The following RELL1 variants were observed in gnomAD, a reference collection of about 807,000 sequenced individuals.
The protein encoded by RELL1 is RELT like 1, also known as RELT-like protein 1.
In RELL1, 10 loss-of-function variants were observed where a neutral mutation model predicts 23.0. The observed-to-expected ratio is 0.43, with a 90% CI of 0.27 to 0.74. RELL1 has a LOEUF of 0.74. Among genes scored for constraint, RELL1 ranks in the 30% least tolerant of loss-of-function variants. The pLI is 0.19. For missense variants in RELL1, 315 were observed against 364.4 expected (o/e 0.86, Z 1.10); for synonymous variants, 146 against 146.8 (o/e 0.99, Z 0.04).
intron 6 of RELL1, among the ~76,000 whole-genome samples, chr4:37,596,732 ATATATTTTTTTTTTTTTTT>A (rs1425492443): frequency 1.8e-4 from 3 of 17,092 alleles, no homozygotes; most frequent in African/African-American, 5.0e-4. Flanking sequence ...ATATATATAT[ATATATTTTTTTTTTTTTTT>A]TTTTTTTTTT....
intron 6 of RELL1, among the ~76,000 whole-genome samples, chr4:37,624,492 C>G (rs373699369): frequency 6.7e-6 from 1 of 148,540 alleles, no homozygotes; most frequent in South Asian, 2.1e-4. Flanking sequence ...TGTGCAATCT[C>G]GGCTCACTGC....
intron 1 of RELL1, among the ~76,000 whole-genome samples, chr4:37,667,951 A>G (rs13122563): frequency 0.23 from 35,303 of 151,792 alleles, 4,280 homozygotes; most frequent in South Asian, 0.33. Flanking sequence ...AATGATCTCA[A>G]TTGTGAATGA....
rs1719452468 is a variant in RELL1 at position 37,612,837 on chromosome 4, A to ATCT, written c.*506_*508dup. 1 of 152,112 alleles carries ATCT rather than the reference A, an allele frequency of 6.6e-6. No homozygotes were observed. The highest frequency in any genetic ancestry group is 1.5e-5 in the Non-Finnish European group (1 of 68,032). 9.4% of individuals were successfully genotyped at this position (152,112 alleles called of 1,614,324 possible). On this transcript the variant is annotated 3_prime_UTR_variant, in exon 7 of 7. Coordinates refer to ENST00000454158, the MANE Select transcript of RELL1 (RefSeq NM_001085400.2). ...ACTGAGCTTTTACCACTGAAGATTC[A>ATCT]TCTTTTATCTTTTGTAACAGCTAAC...
chr4:37,678,516 C>T (rs571479686), intron 1 of RELL1, among the ~76,000 whole-genome samples: 1 of 152,358 alleles, frequency 6.6e-6, no homozygotes, highest in South Asian at 2.1e-4. Flanking sequence ...CCAACATCCC[C>T]TCCTCAAAGC....
At chr4:37,672,286 G>C (rs896730192) in intron 1 of RELL1, among the ~76,000 whole-genome samples, 7 of 152,108 alleles carry the variant, frequency 4.6e-5, no homozygotes, top group African/African-American at 1.7e-4. Context: ...GGCCCACCAA[G>C]AGTCCAAGGA....
intron 6 of RELL1, among the ~76,000 whole-genome samples, chr4:37,596,738 T>TATATATATATATA (rs61256232): frequency 3.8e-4 from 7 of 18,508 alleles, no homozygotes; most frequent in African/African-American, 1.0e-3. Flanking sequence ...ATATATATAT[T>TATATATATATATA]TTTTTTTTTT....
chr4:37,661,445 A>G (rs1395404085), intron 1 of RELL1, among the ~76,000 whole-genome samples: 1 of 152,000 alleles, frequency 6.6e-6, no homozygotes, highest in Non-Finnish European at 1.5e-5. Flanking sequence ...ACACCTGGCT[A>G]ATTTTTTGTA....
chr4:37,611,984 G>A lies in RELL1; in HGVS notation c.*1362C>T, dbSNP rs923529592. On this transcript the variant is annotated 3_prime_UTR_variant, in exon 7 of 7. Coordinates refer to ENST00000454158, the MANE Select transcript of RELL1 (RefSeq NM_001085400.2). The stretch of plus-strand genomic sequence containing the variant: ...AGGTCAGGAGATCGAGACCATCTTC[G>A]CTAATGCGGTGAAACCCCGTCTCTC... 9.3e-5 allele frequency among the ~76,000 whole-genome samples: 14 copies of A among 150,622 alleles called. No individual in the cohort carries two copies. Among genetic ancestry groups the A allele is most frequent in the Non-Finnish European group, 1.5e-4 (10 of 67,618 alleles).
chr4:37,623,615 A>G (rs1719841497), intron 6 of RELL1: 1 of 152,296 alleles, frequency 6.6e-6, no homozygotes. Flanking sequence ...CTACCTACCT[A>G]GGCTTCACAG....
At chr4:37,684,972 A>C (rs994686817) in intron 1 of RELL1, among the ~76,000 whole-genome samples, 1 of 152,154 alleles carries the variant, frequency 6.6e-6, no homozygotes, top group Non-Finnish European at 1.5e-5. Flanking sequence ...AAAAGAAAAA[A>C]AAAATTGTCC....
downstream of RELL1, among the ~76,000 whole-genome samples, chr4:37,608,140 C>A (rs1210936491): frequency 6.6e-6 from 1 of 152,118 alleles, no homozygotes; most frequent in Non-Finnish European, 1.5e-5. Context: ...CCGTTCCCGT[C>A]TCTCTCCCTC....
intron 6 of RELL1, among the ~76,000 whole-genome samples, chr4:37,630,244 T>A (rs1720074616): frequency 6.7e-6 from 1 of 149,180 alleles, no homozygotes; most frequent in Non-Finnish European, 1.5e-5. Flanking sequence ...TTACAAGGGA[T>A]AAGAAACATG....
chr4:37,685,353 T>C (rs1722365354), intron 1 of RELL1, among the ~76,000 whole-genome samples: 1 of 152,150 alleles, frequency 6.6e-6, no homozygotes, highest in Non-Finnish European at 1.5e-5. Context: ...TTTTTTTAAC[T>C]GCAGCTGTTA....
At chr4:37,666,404 CAAG>C (rs1425526793) in intron 1 of RELL1, among the ~76,000 whole-genome samples, 1 of 152,170 alleles carries the variant, frequency 6.6e-6, no homozygotes, top group Admixed American at 6.5e-5. Context: ...AAGCCCCAGG[CAAG>C]GTCAATTAGC....
At chr4:37,598,611 C>T (rs1346704303) in intron 6 of RELL1, among the ~76,000 whole-genome samples, 2 of 151,996 alleles carry the variant, frequency 1.3e-5, no homozygotes, top group Non-Finnish European at 2.9e-5. Context: ...GAGGCTCAAA[C>T]AGCTAAATAA....
intron 6 of RELL1, among the ~76,000 whole-genome samples, chr4:37,621,281 C>T (rs1049283279): frequency 1.3e-5 from 2 of 151,866 alleles, no homozygotes; most frequent in East Asian, 1.9e-4. Context: ...ATAGCAAAAC[C>T]TCTTCTCTAC....
In RELL1 at chr4:37,612,322, T is replaced by TTTA. The variant is rs546339779; in HGVS notation, c.*1023_*1024insTAA. On this transcript the variant is annotated 3_prime_UTR_variant, in exon 7 of 7. Transcript: ENST00000454158. ...AACCAAGAATCGCTCAGCTAAAGGTTAAAAAAAAAAAAAAAACAAAAAAAA... is the reference window on the plus strand; with the variant it reads ...AACCAAGAATCGCTCAGCTAAAGGTTTTAAAAAAAAAAAAAAAAACAAAAAAAA... Among the ~76,000 whole-genome samples, 4 of 83,508 alleles carry TTTA rather than the reference T, an allele frequency of 4.8e-5. No homozygotes were observed. The highest frequency in any genetic ancestry group is 8.9e-5 in the Non-Finnish European group (4 of 44,708). 54.8% of individuals were successfully genotyped at this position (83,508 alleles called of 152,430 possible).
At chr4:37,671,005 C>T (rs1444873976) in intron 1 of RELL1, among the ~76,000 whole-genome samples, 1 of 152,196 alleles carries the variant, frequency 6.6e-6, no homozygotes, top group Non-Finnish European at 1.5e-5. Flanking sequence ...AAAGACTTGT[C>T]TGTTCCATTT....
At chr4:37,661,214 G>C (rs1434601696) in intron 1 of RELL1, among the ~76,000 whole-genome samples, 1 of 152,008 alleles carries the variant, frequency 6.6e-6, no homozygotes, top group Non-Finnish European at 1.5e-5. Context: ...CTATTATCTA[G>C]TCAGTAGCTA....
Sources: gnomAD v4.1 joint callset for allele counts (sites outside exome capture counted in the v4.1 genomes callset) on GRCh38, gnomAD v4.1.1 for gene constraint, MANE v1.5 for transcripts, NCBI Gene and HGNC (gene_info 2026-07-23, HGNC 2026-07-21) for gene names.